The following RIMS2 variants were observed in gnomAD, a reference collection of about 807,000 sequenced individuals.
RIMS2 encodes the protein regulating synaptic membrane exocytosis protein 2.
In RIMS2, 59 loss-of-function variants were observed where a neutral mutation model predicts 174.4. The ratio of observed to expected loss-of-function variants is 0.34; its 90% CI spans 0.27 to 0.42. RIMS2 has a LOEUF of 0.42. Ranked by LOEUF, RIMS2 falls within the 10% of genes least tolerant of loss-of-function variation. RIMS2 has a pLI of 1.00. For synonymous variants in RIMS2, 606 were observed against 572.5 expected (o/e 1.06, Z -0.84); for missense variants, 1,620 against 1,666.3 (o/e 0.97, Z 0.48).
chr8:103,938,410 G>A (rs1252544210), intron 13 of RIMS2, among the ~76,000 whole-genome samples: 2 of 152,024 alleles, frequency 1.3e-5, no homozygotes. Flanking sequence ...GATCTCGTGA[G>A]ATTTATTCAC....
At chr8:104,220,710 T>G (rs2099151033) in intron 19 of RIMS2, among the ~76,000 whole-genome samples, 1 of 152,124 alleles carries the variant, frequency 6.6e-6, no homozygotes, top group Non-Finnish European at 1.5e-5. Flanking sequence ...TAAGCCTTTG[T>G]CCTATCTTAG....
intron 1 of RIMS2, among the ~76,000 whole-genome samples, chr8:103,550,301 C>A (rs1340117943): frequency 1.3e-5 from 2 of 152,150 alleles, no homozygotes; most frequent in Non-Finnish European, 2.9e-5. Context: ...GATTAAGAAA[C>A]TCACTCAAAA....
intron 19 of RIMS2, among the ~76,000 whole-genome samples, chr8:104,033,137 A>G (rs2096436601): frequency 6.6e-6 from 1 of 152,046 alleles, no homozygotes; most frequent in African/African-American, 2.4e-5. Flanking sequence ...GTAATAAAAT[A>G]AACTGGAATT....
intron 2 of RIMS2, among the ~76,000 whole-genome samples, chr8:103,744,919 A>G (rs958341374): frequency 1.3e-5 from 2 of 152,320 alleles, no homozygotes; most frequent in African/African-American, 2.4e-5. Flanking sequence ...ACTTCTTTGC[A>G]TCAAATGTTG....
In RIMS2 at chr8:103,707,330, T is replaced by G. The variant is rs1237431309; in HGVS notation, c.387+10034T>G. ...TGTTCCTGAATGTTCTTGATGCTTG[T>G]GTATGTTTGTTGATGCCTAGGCATT... On this transcript the variant is annotated intron_variant, in intron 2 of 23. Coordinates refer to ENST00000504942, the Ensembl canonical transcript of RIMS2. 9.8e-5 allele frequency among the ~76,000 whole-genome samples: 15 copies of G among 152,330 alleles called. No individual in the cohort carries two copies. The East Asian group carries it at 2.7e-3, about 27-fold the overall frequency.
At chr8:104,029,108 T>A (rs190201089) in intron 19 of RIMS2, among the ~76,000 whole-genome samples, 1 of 152,316 alleles carries the variant, frequency 6.6e-6, no homozygotes, top group Non-Finnish European at 1.5e-5. Flanking sequence ...ATTTGTAAAC[T>A]GAAATGGCAC....
rs186106215 is a variant in RIMS2, at chr8:103,563,074, G to A, written c.176+62012G>A. ...TTTTTCCTCCTAAATCTCCAGGCCT[G>A]TGATGGGAGGGGCTGCAGCAAAGGT... On this transcript the variant is annotated intron_variant, in intron 1 of 23. Coordinates refer to ENST00000504942, the Ensembl canonical transcript of RIMS2. Among the ~76,000 whole-genome samples the A allele has an allele frequency of 2.1e-4, 32 of 152,330 alleles. No homozygotes were observed. The East Asian group carries it at 5.4e-3, about 26-fold the overall frequency.
chr8:104,174,594 C>G (rs1046783129), intron 19 of RIMS2, among the ~76,000 whole-genome samples: 1 of 152,162 alleles, frequency 6.6e-6, no homozygotes, highest in East Asian at 1.9e-4. Flanking sequence ...CTTTGCAAAG[C>G]ACTTTCTAGT....
At chr8:103,751,050 T>C (rs2139718307) in intron 2 of RIMS2, among the ~76,000 whole-genome samples, 1 of 152,218 alleles carries the variant, frequency 6.6e-6, no homozygotes, top group South Asian at 2.1e-4. Flanking sequence ...CTCTCTTCTC[T>C]TGTCTACTCC....
At chr8:103,976,291 A>G (rs1305447355) in intron 16 of RIMS2, 2 of 152,234 alleles carry the variant, frequency 1.3e-5, no homozygotes, top group Admixed American at 1.3e-4. Flanking sequence ...TAACGAGAGT[A>G]AAATGAAACA....
intron 12 of RIMS2, among the ~76,000 whole-genome samples, chr8:103,934,484 T>C (rs1280359356): frequency 2.0e-5 from 3 of 152,158 alleles, no homozygotes; most frequent in Non-Finnish European, 4.4e-5. Context: ...TAGTTCTTTT[T>C]GTGAATTGGT....
chr8:103,811,317 T>A (rs2098686366), intron 3 of RIMS2, among the ~76,000 whole-genome samples: 1 of 152,224 alleles, frequency 6.6e-6, no homozygotes, highest in Non-Finnish European at 1.5e-5. Flanking sequence ...ATTGGTAGAA[T>A]CTTCAGGTGT....
At chr8:103,771,267 A>G (rs114775178) in intron 3 of RIMS2, among the ~76,000 whole-genome samples, 1,796 of 152,306 alleles carry the variant, frequency 0.012, 36 homozygotes, top group African/African-American at 0.042. Context: ...ATTTCAAAAT[A>G]ACTTGTGAAA....
intron 19 of RIMS2, among the ~76,000 whole-genome samples, chr8:104,070,443 A>G (rs1313684338): frequency 6.6e-6 from 1 of 152,252 alleles, no homozygotes; most frequent in African/African-American, 2.4e-5. Flanking sequence ...AAACAGGTAT[A>G]GTAAATTTTG....
chr8:103,575,611 A>C (rs1330732444), intron 1 of RIMS2, among the ~76,000 whole-genome samples: 1 of 149,886 alleles, frequency 6.7e-6, no homozygotes, highest in African/African-American at 2.4e-5. Context: ...CACAGGAAAT[A>C]TGTATTTATA....
intron 3 of RIMS2, among the ~76,000 whole-genome samples, chr8:103,881,135 CT>C (rs2099165466): frequency 6.6e-6 from 1 of 151,224 alleles, no homozygotes; most frequent in South Asian, 2.1e-4. Flanking sequence ...ATAGGTAGTA[CT>C]TAATTTAATA....
At chr8:104,103,480 T>C (rs930733990) in intron 19 of RIMS2, among the ~76,000 whole-genome samples, 1 of 152,152 alleles carries the variant, frequency 6.6e-6, no homozygotes, top group Non-Finnish European at 1.5e-5. Context: ...AAATATGACT[T>C]TAGAGGTGAT....
intron 19 of RIMS2, among the ~76,000 whole-genome samples, chr8:104,226,012 A>C (rs1486074935): frequency 1.3e-5 from 2 of 152,228 alleles, no homozygotes; most frequent in Admixed American, 6.5e-5. Flanking sequence ...ATTGGCCTAA[A>C]GCAGTGCTTC....
chr8:104,129,871 T>G (rs1400175530), intron 19 of RIMS2, among the ~76,000 whole-genome samples: 2 of 152,226 alleles, frequency 1.3e-5, no homozygotes, highest in Non-Finnish European at 2.9e-5. Flanking sequence ...ACATAGTAGA[T>G]GTACAGATAA....
Sources: allele counts gnomAD v4.1 joint callset (sites outside exome capture counted in the v4.1 genomes callset), GRCh38; gene constraint gnomAD v4.1.1; transcripts MANE v1.5; gene names NCBI Gene and HGNC (gene_info 2026-07-23, HGNC 2026-07-21).